SMYD3: variants seen among roughly 807,000 people sequenced by gnomAD.
SMYD3 encodes the protein SET and MYND domain containing 3, also known as histone-lysine N-methyltransferase SMYD3.
SMYD3 carries 36 observed loss-of-function variants against 57.7 expected under a neutral mutation model. The observed-to-expected ratio is 0.62, with a 90% CI of 0.48 to 0.82. The LOEUF (loss-of-function observed/expected upper bound fraction) is 0.82, where lower values mean the gene tolerates loss of function less well. Ranked by LOEUF, SMYD3 falls within the 40% of genes least tolerant of loss-of-function variation. The probability of loss-of-function intolerance (pLI) is 0.00; values close to 1 mark genes in which losing one functional copy is unlikely to be tolerated. For synonymous variants in SMYD3, 211 were observed against 195.0 expected, an observed-to-expected ratio of 1.08 and a Z score of -0.68; for missense variants, 515 against 538.8, an observed-to-expected ratio of 0.96 and a Z score of 0.44.
intron 1 of SMYD3, among the ~76,000 whole-genome samples, chr1:246,391,729 T>A (rs1174837360): frequency 2.0e-5 from 3 of 151,884 alleles, no homozygotes; most frequent in African/African-American, 7.3e-5. Context: ...AAGCTAAATA[T>A]GTAAAAAGGA....
intron 5 of SMYD3, among the ~76,000 whole-genome samples, chr1:246,324,172 T>C (rs1407215642): frequency 6.6e-6 from 1 of 152,050 alleles, no homozygotes; most frequent in Non-Finnish European, 1.5e-5. Context: ...CCCAGCACGT[T>C]GGGAGGCCAA....
intron 5 of SMYD3, among the ~76,000 whole-genome samples, chr1:246,017,884 T>C (rs989401598): frequency 2.6e-5 from 4 of 152,182 alleles, no homozygotes; most frequent in African/African-American, 9.7e-5. Flanking sequence ...TTGCCACAGA[T>C]TTGGCTAGCA....
intron 8 of SMYD3, among the ~76,000 whole-genome samples, chr1:245,877,920 G>T (rs976097045): frequency 1.3e-5 from 2 of 152,166 alleles, no homozygotes; most frequent in African/African-American, 2.4e-5. Context: ...GAAGATATGC[G>T]ACAGAGGAAA....
chr1:245,858,767 A>C (rs1213868978), intron 9 of SMYD3, 97 bp from the exon 10 acceptor site: 1 of 1,305,886 alleles, frequency 7.7e-7, no homozygotes, highest in African/African-American at 1.5e-5. Flanking sequence ...CAAGCACAGG[A>C]GCGAGGGAAG....
At chr1:246,237,330 T>C (rs1296568622) in intron 5 of SMYD3, among the ~76,000 whole-genome samples, 1 of 152,180 alleles carries the variant, frequency 6.6e-6, no homozygotes, top group South Asian at 2.1e-4. Context: ...AACCAAGATA[T>C]GAGGAACACA....
intron 5 of SMYD3, among the ~76,000 whole-genome samples, chr1:246,119,537 TGA>T (rs2061393678): frequency 6.6e-6 from 1 of 151,972 alleles, no homozygotes; most frequent in African/African-American, 2.4e-5. Context: ...CTCAGCCTCC[TGA>T]GTAGCTGAGA....
At chr1:245,762,166 C>A (rs149936097) in intron 11 of SMYD3, among the ~76,000 whole-genome samples, 6 of 152,150 alleles carry the variant, frequency 3.9e-5, no homozygotes, top group Non-Finnish European at 5.9e-5. Flanking sequence ...TGCCTCTGTG[C>A]GACTTTAGGT....
At chr1:245,760,720 C>A (rs1450939812) in intron 11 of SMYD3, among the ~76,000 whole-genome samples, 1 of 152,156 alleles carries the variant, frequency 6.6e-6, no homozygotes, top group Non-Finnish European at 1.5e-5. Flanking sequence ...TTCCCACTCA[C>A]CTTGGGGAGC....
At chr1:246,401,724 G>A in intron 1 of SMYD3, among the ~76,000 whole-genome samples, 1 of 54,094 alleles carries the variant, frequency 1.8e-5, no homozygotes, top group South Asian at 1.2e-3. Flanking sequence ...AGTAATTCAG[G>A]TGCTTTTTTT....
intron 10 of SMYD3, among the ~76,000 whole-genome samples, chr1:245,775,143 T>A (rs1408027648): frequency 2.0e-5 from 3 of 149,594 alleles, no homozygotes; most frequent in Non-Finnish European, 1.5e-5. Context: ...GTGAGGAGCA[T>A]CTCCGCCCGG....
Position 246,333,557 on chromosome 1 carries a change from A to G in SMYD3, c.336+1810T>C, listed in dbSNP as rs552953968. 4.6e-5 allele frequency among the ~76,000 whole-genome samples: 7 copies of G among 152,290 alleles called. No homozygotes were observed. In the South Asian group the frequency reaches 1.5e-3, roughly 32 times the overall value. Reference sequence around the variant, plus strand: ...AAGGAACTTAAGCAATTCACAAGTAAAAAACAAACAACCTCATTAAAAACT... The same window carrying G: ...AAGGAACTTAAGCAATTCACAAGTAGAAAACAAACAACCTCATTAAAAACT... On this transcript the variant is annotated intron_variant, in intron 3 of 11. Transcript: ENST00000490107.
At chr1:246,021,667 T>G (rs1294810585) in intron 5 of SMYD3, among the ~76,000 whole-genome samples, 2 of 152,204 alleles carry the variant, frequency 1.3e-5, no homozygotes, top group Non-Finnish European at 2.9e-5. Context: ...ACACCCTGAT[T>G]AATTATCACT....
chr1:246,461,404 T>A (rs770703693), intron 1 of SMYD3, among the ~76,000 whole-genome samples: 7 of 152,176 alleles, frequency 4.6e-5, no homozygotes, highest in Admixed American at 6.5e-5. Flanking sequence ...TATATACATG[T>A]TATTATGTTA....
chr1:245,895,698 C>T (rs1250896222), intron 8 of SMYD3, among the ~76,000 whole-genome samples: 2 of 152,322 alleles, frequency 1.3e-5, no homozygotes, highest in East Asian at 1.9e-4. Context: ...CTCTGTTCCC[C>T]GGTTTTCACG....
chr1:245,856,554 T>C (rs941407661), intron 10 of SMYD3, among the ~76,000 whole-genome samples: 2 of 152,206 alleles, frequency 1.3e-5, no homozygotes, highest in Non-Finnish European at 2.9e-5. Context: ...AAGGCCTCTT[T>C]GTTTAAAGTC....
rs61346746 is a variant in SMYD3 at position 246,180,759 on chromosome 1, CAAAAAAAAAAAAAAAAAAA to C, written c.531+146423_531+146441del. ...TGGGCAACAGAGCAAGACTCTGTCT[CAAAAAAAAAAAAAAAAAAA>C]AAAAAAAAAAAAAAAAAAACAACTC... On this transcript the variant is annotated intron_variant, in intron 5 of 11. Transcript: ENST00000490107. Among the ~76,000 whole-genome samples the C allele has an allele frequency of 9.6e-4, 28 of 29,242 alleles. No individual in the cohort carries two copies. The East Asian group carries it at 0.024, about 25-fold the overall frequency. The allele number at this position is 29,242 out of a possible 152,430, so 19.2% of individuals were successfully genotyped here.
At chr1:246,019,383 T>C (rs1341089064) in intron 5 of SMYD3, among the ~76,000 whole-genome samples, 16 of 152,236 alleles carry the variant, frequency 1.1e-4, no homozygotes, top group Admixed American at 1.0e-3. Context: ...GCTATTCTTT[T>C]GATTTCTTCC....
At chr1:246,452,938 G>A (rs986427215) in intron 1 of SMYD3, among the ~76,000 whole-genome samples, 89 of 152,138 alleles carry the variant, frequency 5.8e-4, no homozygotes, top group African/African-American at 2.0e-3. Flanking sequence ...CCACCATTGG[G>A]CTTCTAGATT....
intron 1 of SMYD3, among the ~76,000 whole-genome samples, chr1:246,417,736 T>C (rs1394972757): frequency 6.6e-6 from 1 of 152,192 alleles, no homozygotes. Context: ...TGGCTGGTTA[T>C]CTCTTCTTCA....
Sources: gnomAD v4.1 joint callset for allele counts (sites outside exome capture counted in the v4.1 genomes callset) on GRCh38, gnomAD v4.1.1 for gene constraint, MANE v1.5 for transcripts, NCBI Gene and HGNC (gene_info 2026-07-23, HGNC 2026-07-21) for gene names.